NRXN1: variants seen among roughly 807,000 people sequenced by gnomAD.
NRXN1 encodes the protein neurexin-1.
NRXN1 carries 39 observed loss-of-function variants against 150.9 expected under a neutral mutation model. The observed-to-expected ratio is 0.26, with a 90% CI of 0.20 to 0.34. The LOEUF (loss-of-function observed/expected upper bound fraction) is 0.34. Ranked by LOEUF, NRXN1 falls within the 10% of genes least tolerant of loss-of-function variation. The pLI is 1.00. For missense variants in NRXN1, 1,815 were observed against 1,949.9 expected, an observed-to-expected ratio of 0.93 and a Z score of 1.30; for synonymous variants, 924 against 757.0, an observed-to-expected ratio of 1.22 and a Z score of -3.62.
chr2:50,921,656 A>C (rs939333792), intron 5 of NRXN1, among the ~76,000 whole-genome samples: 9 of 151,818 alleles, frequency 5.9e-5, no homozygotes, highest in Admixed American at 6.6e-5. Context: ...TGACATGAAA[A>C]AGATCACTCT....
chr2:50,432,783 C>G (rs942064975), intron 17 of NRXN1, among the ~76,000 whole-genome samples: 1 of 152,184 alleles, frequency 6.6e-6, no homozygotes, highest in African/African-American at 2.4e-5. Context: ...TCATCTTATT[C>G]TCTTTGTACA....
intron 17 of NRXN1, among the ~76,000 whole-genome samples, chr2:50,242,961 A>G (rs900522420): frequency 2.0e-5 from 3 of 151,774 alleles, no homozygotes; most frequent in African/African-American, 7.2e-5. Context: ...GTCGAAACAA[A>G]AAATGTCCAG....
intron 17 of NRXN1, among the ~76,000 whole-genome samples, chr2:50,311,177 C>G (rs1009123410): frequency 4.6e-5 from 7 of 152,024 alleles, no homozygotes. Context: ...ATCATGTTGT[C>G]AAGGGTACCT....
intron 5 of NRXN1, among the ~76,000 whole-genome samples, chr2:50,678,965 G>A (rs1049979145): frequency 1.3e-5 from 2 of 151,930 alleles, no homozygotes; most frequent in African/African-American, 2.4e-5. Flanking sequence ...GAAATTCTAG[G>A]GACAGATGTA....
In NRXN1 at chr2:50,319,680, AAGACAGTGGCAGACAGTGGC is replaced by A. The variant is rs11277736; in HGVS notation, c.3365-82730_3365-82711del. The stretch of plus-strand genomic sequence containing the variant: ...AAAACTATCAGGACTCTTTGGAAAG[AAGACAGTGGCAGACAGTGGC>A]AGACAGTGGCAGACAGTGGCACCGT... On this transcript the variant is annotated intron_variant, in intron 17 of 22. Coordinates refer to ENST00000401669, the MANE Select transcript of NRXN1 (RefSeq NM_001330078.2). Among the ~76,000 whole-genome samples the A allele has an allele frequency of 2.9e-3, 438 of 152,004 alleles. 1 individual carries two copies. Among genetic ancestry groups the A allele is most frequent in the Non-Finnish European group, 4.7e-3 (318 of 67,980 alleles).
intron 21 of NRXN1, among the ~76,000 whole-genome samples, chr2:49,965,045 A>G (rs946096896): frequency 6.6e-6 from 1 of 150,884 alleles, no homozygotes; most frequent in Non-Finnish European, 1.5e-5. Context: ...ACACCTAGCT[A>G]TTTTTTGTAT....
intron 17 of NRXN1, among the ~76,000 whole-genome samples, chr2:50,381,063 CT>C (rs2080923370): frequency 6.6e-6 from 1 of 152,022 alleles, no homozygotes; most frequent in Non-Finnish European, 1.5e-5. Flanking sequence ...ATAAGTCTTA[CT>C]CTATATTCCC....
chr2:50,873,794 T>C lies in NRXN1; in HGVS notation c.832+48075A>G, dbSNP rs1352158439. 5.3e-5 allele frequency among the ~76,000 whole-genome samples: 8 copies of C among 151,890 alleles called. 1 individual carries two copies. In the South Asian group the frequency reaches 1.0e-3, roughly 20 times the overall value. ...CTCACAAGTATATTTTCTGTATTTA[T>C]GGCCAAGAGCTGGTCATTGGAGATT... is the stretch of plus-strand genomic sequence containing the variant. On this transcript the variant is annotated intron_variant, in intron 5 of 22. Transcript: ENST00000401669.
intron 19 of NRXN1, among the ~76,000 whole-genome samples, chr2:50,075,792 C>CA (rs749996824): frequency 6.2e-4 from 43 of 69,216 alleles, no homozygotes; most frequent in Non-Finnish European, 9.7e-4. Context: ...TGCTTGGTGA[C>CA]AAAGGAAAAA....
At chr2:50,444,536 A>G (rs1385389319) in intron 17 of NRXN1, among the ~76,000 whole-genome samples, 1 of 152,040 alleles carries the variant, frequency 6.6e-6, no homozygotes, top group Non-Finnish European at 1.5e-5. Context: ...CGCTGCCTCT[A>G]CTCGAATTAC....
chr2:50,120,500 A>T (rs1004359183), intron 18 of NRXN1, among the ~76,000 whole-genome samples: 2 of 152,218 alleles, frequency 1.3e-5, no homozygotes, highest in Admixed American at 6.5e-5. Flanking sequence ...AAAACTTTTT[A>T]AAAATAATTA....
At chr2:49,955,549 C>T (rs1486711148) in intron 21 of NRXN1, among the ~76,000 whole-genome samples, 1 of 151,704 alleles carries the variant, frequency 6.6e-6, no homozygotes, top group Non-Finnish European at 1.5e-5. Context: ...TTTGAGAAAG[C>T]AGTAAGATAA....
rs528381343 is a variant in NRXN1, at chr2:49,990,607, G to C, written c.4129-46816C>G. 2.6e-5 allele frequency among the ~76,000 whole-genome samples: 4 copies of C among 152,270 alleles called. No individual in the cohort carries two copies. The East Asian group carries it at 7.7e-4, about 29-fold the overall frequency. ...GGTGGTGGAGAAGGCAGAGCTGACT[G>C]TTCTGAAGTCAGTGTTCATAAGACT... On this transcript the variant is annotated intron_variant, in intron 21 of 22. Coordinates refer to ENST00000401669, the MANE Select transcript of NRXN1 (RefSeq NM_001330078.2).
chr2:50,826,884 A>G (rs1670521452), intron 5 of NRXN1, among the ~76,000 whole-genome samples: 1 of 152,218 alleles, frequency 6.6e-6, no homozygotes, highest in Non-Finnish European at 1.5e-5. Context: ...ATCAGCATTT[A>G]GATGGCATTA....
At chr2:50,143,417 G>A (rs371903694) in intron 18 of NRXN1, among the ~76,000 whole-genome samples, 1 of 151,864 alleles carries the variant, frequency 6.6e-6, no homozygotes, top group Non-Finnish European at 1.5e-5. Flanking sequence ...TCATGCTATC[G>A]AGGGAATTTA....
chr2:50,565,461 T>C (rs1444465571), intron 8 of NRXN1, among the ~76,000 whole-genome samples: 1 of 152,136 alleles, frequency 6.6e-6, no homozygotes, highest in East Asian at 1.9e-4. Context: ...TCCAGATGGC[T>C]ATGTTTTTTA....
chr2:50,872,360 T>C (rs1475579874), intron 5 of NRXN1, among the ~76,000 whole-genome samples: 2 of 151,486 alleles, frequency 1.3e-5, no homozygotes, highest in Non-Finnish European at 3.0e-5. Flanking sequence ...CAGATATACG[T>C]TGTTGAGCTG....
intron 8 of NRXN1, among the ~76,000 whole-genome samples, chr2:50,579,275 T>C (rs1671893716): frequency 6.6e-6 from 1 of 152,212 alleles, no homozygotes; most frequent in Non-Finnish European, 1.5e-5. Context: ...GATTACATTT[T>C]GTACTTTTAT....
intron 8 of NRXN1, among the ~76,000 whole-genome samples, chr2:50,575,786 T>C (rs187203904): frequency 5.9e-5 from 9 of 152,314 alleles, no homozygotes; most frequent in Admixed American, 1.3e-4. Flanking sequence ...AAATGTTTAT[T>C]CAATGCATTA....
Sources: gnomAD v4.1 joint callset for allele counts (sites outside exome capture counted in the v4.1 genomes callset) on GRCh38, gnomAD v4.1.1 for gene constraint, MANE v1.5 for transcripts, NCBI Gene and HGNC (gene_info 2026-07-23, HGNC 2026-07-21) for gene names.